The following NEK11 variants were observed in gnomAD, a reference collection of about 807,000 sequenced individuals.
The protein encoded by NEK11 is serine/threonine-protein kinase Nek11.
In NEK11, 72 loss-of-function variants were observed where a neutral mutation model predicts 80.7. The ratio of observed to expected loss-of-function variants is 0.89; its 90% CI spans 0.74 to 1.08. The LOEUF (loss-of-function observed/expected upper bound fraction) is 1.08, where lower values mean the gene tolerates loss of function less well. Among genes scored for constraint, NEK11 ranks in the 50% least tolerant of loss-of-function variants. The pLI, the probability that NEK11 is intolerant of heterozygous loss-of-function variation, is 0.00. For synonymous variants in NEK11, 251 were observed against 260.7 expected (o/e 0.96, Z 0.36); for missense variants, 764 against 763.6 (o/e 1.00, Z -0.01).
intron 3 of NEK11, among the ~76,000 whole-genome samples, chr3:131,073,502 T>C (rs563478594): frequency 5.8e-4 from 88 of 152,338 alleles, no homozygotes; most frequent in African/African-American, 2.0e-3. Context: ...GTATTATTAA[T>C]TATTTGCCTA....
In NEK11 at chr3:131,078,610, C is replaced by T. The variant is rs183068406; in HGVS notation, c.171-1813C>T. On this transcript the variant is annotated intron_variant, in intron 3 of 17. Transcript: ENST00000383366. Reference sequence around the variant, plus strand: ...CCTCTGGTAATGCCTGAGGATATTACGGTTCTTCCATTGTAAAACAGAGGG... The same window carrying T: ...CCTCTGGTAATGCCTGAGGATATTATGGTTCTTCCATTGTAAAACAGAGGG... Among the ~76,000 whole-genome samples the T allele has an allele frequency of 1.2e-3, 188 of 152,190 alleles. 1 individual carries two copies. Among genetic ancestry groups the T allele is most frequent in the African/African-American group, 4.3e-3 (179 of 41,544 alleles).
Position 131,033,187 on chromosome 3 carries a change from CTT to C in NEK11, c.170+3318_170+3319del, listed in dbSNP as rs556778497. ...CATATATGAGGCAGGAAACTAAACT[CTT>C]TTTTTTTTGTGTTGATACTGAACCA... On this transcript the variant is annotated intron_variant, in intron 3 of 17. Transcript: ENST00000383366. 2.8e-4 allele frequency among the ~76,000 whole-genome samples: 41 copies of C among 149,032 alleles called. No individual in the cohort carries two copies. The South Asian group carries it at 8.1e-3, about 30-fold the overall frequency.
intron 4 of NEK11, among the ~76,000 whole-genome samples, chr3:131,104,852 A>G (rs1239527623): frequency 3.9e-5 from 6 of 152,168 alleles, no homozygotes; most frequent in African/African-American, 1.2e-4. Flanking sequence ...CCTGTGCCCA[A>G]GATTACAAAG....
intron 3 of NEK11, among the ~76,000 whole-genome samples, chr3:131,052,125 GTTTTTTTTGT>G (rs2068519936): frequency 2.3e-5 from 1 of 43,504 alleles, no homozygotes; most frequent in African/African-American, 7.6e-5. Flanking sequence ...TACACTTCTG[GTTTTTTTTGT>G]TTTTTTTTTT....
At chr3:131,130,265 T>C (rs1322470511) in intron 5 of NEK11, among the ~76,000 whole-genome samples, 1 of 152,190 alleles carries the variant, frequency 6.6e-6, no homozygotes. Flanking sequence ...AGCAATTGAT[T>C]TTTGTGTATC....
chr3:131,132,686 T>C, intron 5 of NEK11, 59 bp from the exon 6 acceptor site: 1 of 842,104 alleles, frequency 1.2e-6, no homozygotes, highest in African/African-American at 1.7e-5. Flanking sequence ...ATTATTTACA[T>C]GGGGATTTAA....
At chr3:131,127,157 G>C (rs1002614301) in intron 5 of NEK11, among the ~76,000 whole-genome samples, 7 of 151,714 alleles carry the variant, frequency 4.6e-5, no homozygotes, top group Non-Finnish European at 1.0e-4. Flanking sequence ...GCAGAGATGG[G>C]CTTCATCATG....
chr3:131,210,490 T>C (rs1270818827), intron 14 of NEK11, among the ~76,000 whole-genome samples: 1 of 152,184 alleles, frequency 6.6e-6, no homozygotes, highest in Non-Finnish European at 1.5e-5. Context: ...CTATTAGGTC[T>C]GCTTGGTGCA....
chr3:131,230,013 T>A (rs1232070824), intron 15 of NEK11, among the ~76,000 whole-genome samples: 1 of 152,144 alleles, frequency 6.6e-6, no homozygotes, highest in East Asian at 1.9e-4. Flanking sequence ...TCTGAGCCAC[T>A]GTCATAAACA....
rs1196241859 is a variant in NEK11, at chr3:131,290,716, T to C, written c.1718+17142T>C. Among the ~76,000 whole-genome samples the C allele has an allele frequency of 4.6e-5, 7 of 152,204 alleles. No individual in the cohort carries two copies. The East Asian group carries it at 9.6e-4, about 21-fold the overall frequency. On this transcript the variant is annotated intron_variant, in intron 17 of 17. Coordinates refer to ENST00000383366, the MANE Select transcript of NEK11 (RefSeq NM_024800.5). ...AACCATGCACCTAGATTTCTACTAG[T>C]ATGCCAAACTCTGTAAGATCAGATA...
intron 16 of NEK11, among the ~76,000 whole-genome samples, chr3:131,262,249 C>T (rs1345438926): frequency 6.6e-6 from 1 of 152,008 alleles, no homozygotes; most frequent in Admixed American, 6.6e-5. Context: ...AAGCTGAATA[C>T]AGGGATGTGC....
At chr3:131,149,106 T>G (rs1422055511) in intron 7 of NEK11, among the ~76,000 whole-genome samples, 1 of 152,064 alleles carries the variant, frequency 6.6e-6, no homozygotes, top group Non-Finnish European at 1.5e-5. Flanking sequence ...AGCAACCGCC[T>G]TCTTTATTTT....
chr3:131,092,444 C>A (rs1362297588), intron 4 of NEK11, among the ~76,000 whole-genome samples: 1 of 151,876 alleles, frequency 6.6e-6, no homozygotes, highest in Non-Finnish European at 1.5e-5. Context: ...TAAAATGAAT[C>A]AAAAAAATGA....
intron 17 of NEK11, among the ~76,000 whole-genome samples, chr3:131,343,394 T>A (rs551050225): frequency 1.6e-4 from 24 of 152,186 alleles, no homozygotes; most frequent in Non-Finnish European, 2.6e-4. Context: ...AAGTATATAG[T>A]TACTGATCCA....
chr3:131,285,266 G>A (rs971487391), intron 17 of NEK11, among the ~76,000 whole-genome samples: 1 of 152,266 alleles, frequency 6.6e-6, no homozygotes, highest in Non-Finnish European at 1.5e-5. Flanking sequence ...TTATATAGGG[G>A]CAAGGAAGGA....
At chr3:131,074,532 A>G (rs2074007737) in intron 3 of NEK11, among the ~76,000 whole-genome samples, 1 of 152,132 alleles carries the variant, frequency 6.6e-6, no homozygotes, top group African/African-American at 2.4e-5. Context: ...GTAATATATA[A>G]TATAATGTAT....
chr3:131,232,542 T>A (rs2095350381), intron 15 of NEK11, among the ~76,000 whole-genome samples: 1 of 152,230 alleles, frequency 6.6e-6, no homozygotes, highest in South Asian at 2.1e-4. Context: ...TTGTTCTTCC[T>A]AAGATGAAAG....
At chr3:131,037,691 A>G (rs1475562586) in intron 3 of NEK11, among the ~76,000 whole-genome samples, 1 of 152,252 alleles carries the variant, frequency 6.6e-6, no homozygotes, top group Admixed American at 6.5e-5. Context: ...GATCACCTTT[A>G]GCAAAGCTAA....
intron 17 of NEK11, among the ~76,000 whole-genome samples, chr3:131,287,819 T>A (rs1029223555): frequency 1.3e-5 from 2 of 152,152 alleles, no homozygotes; most frequent in African/African-American, 2.4e-5. Context: ...AGAACGCTAT[T>A]ATACCAGTAA....
Sources: gnomAD v4.1 joint callset for allele counts (sites outside exome capture counted in the v4.1 genomes callset) on GRCh38, gnomAD v4.1.1 for gene constraint, MANE v1.5 for transcripts, NCBI Gene and HGNC (gene_info 2026-07-23, HGNC 2026-07-21) for gene names.